Variants in KIAA1755 observed in about 807,000 individuals in gnomAD.
The protein encoded by KIAA1755 is KIAA1755.
A neutral mutation model predicts 91.7 loss-of-function variants in KIAA1755; 68 were observed. The ratio of observed to expected loss-of-function variants is 0.74; its 90% confidence interval spans 0.61 to 0.91. KIAA1755 has a LOEUF of 0.91. Among genes scored for constraint, KIAA1755 ranks in the 40% least tolerant of loss-of-function variants. KIAA1755 has a pLI of 0.00. For missense variants in KIAA1755, 1,535 were observed against 1,494.4 expected (o/e 1.03, Z -0.45); for synonymous variants, 610 against 604.6 (o/e 1.01, Z -0.13).
intron 2 of KIAA1755, among the ~76,000 whole-genome samples, chr20:38,245,685 G>A (rs2076145516): frequency 6.6e-6 from 1 of 152,152 alleles, no homozygotes; most frequent in Non-Finnish European, 1.5e-5. Context: ...CCTTTACTCA[G>A]GCCTTCTTCT....
chr20:38,243,621 C>T (rs2076105622), intron 2 of KIAA1755, among the ~76,000 whole-genome samples: 2 of 152,228 alleles, frequency 1.3e-5, no homozygotes, highest in African/African-American at 4.8e-5. Flanking sequence ...ACATTTGGCT[C>T]ATAGCCACAC....
At chr20:38,246,576 C>A (rs1183142986) in intron 1 of KIAA1755, among the ~76,000 whole-genome samples, 1 of 152,198 alleles carries the variant, frequency 6.6e-6, no homozygotes, top group Non-Finnish European at 1.5e-5. Context: ...GGAAGCCCAG[C>A]CCAGACCAGA....
At chr20:38,254,982 G>A (rs1388382135) in intron 1 of KIAA1755, among the ~76,000 whole-genome samples, 8 of 152,096 alleles carry the variant, frequency 5.3e-5, no homozygotes, top group Non-Finnish European at 4.4e-5. Context: ...TTCGAGACCA[G>A]CCTGGCCAAC....
intron 4 of KIAA1755, among the ~76,000 whole-genome samples, chr20:38,234,396 C>T (rs1233368163): frequency 2.0e-5 from 3 of 152,178 alleles, no homozygotes; most frequent in African/African-American, 4.8e-5. Context: ...AAATGTAGGC[C>T]TCTGTGAGAT....
chr20:38,231,302 G>A lies in KIAA1755; in HGVS notation c.1771C>T (p.Pro591Ser), dbSNP rs1348267480. The A allele has an allele frequency of 6.2e-7, 1 of 1,611,130 alleles. No homozygotes were observed. The highest frequency in any genetic ancestry group is 1.7e-5 in the Admixed American group (1 of 59,754). The change falls in exon 5 of 14, where the codon CCC becomes TCC. Residue 591 changes from proline to serine, a missense_variant. Pro to Ser is a moderately conservative substitution (Grantham distance 74). Transcript: ENST00000279024. The stretch of plus-strand genomic sequence containing the variant: ...TCTGTAGTTGACACCAGAAGCAGGG[G>A]CCGCCCGGCCCTGTCCCGGCCACCT... ...LPGGRDRAGRPLLLVSTTEGA... is the reference protein window; with the variant it reads ...LPGGRDRAGRSLLLVSTTEGA...
intron 1 of KIAA1755, among the ~76,000 whole-genome samples, chr20:38,255,143 C>A (rs1247565487): frequency 4.6e-5 from 7 of 151,942 alleles, no homozygotes; most frequent in Non-Finnish European, 1.0e-4. Context: ...GGCCACTGCA[C>A]CCCAGCCTGG....
intron 1 of KIAA1755, among the ~76,000 whole-genome samples, chr20:38,259,855 T>A: frequency 1.9e-5 from 2 of 102,778 alleles, no homozygotes; most frequent in African/African-American, 4.7e-5. Flanking sequence ...CACACACACA[T>A]TCTCCCAGAA....
chr20:38,238,461 G>A (rs544006083), intron 4 of KIAA1755, among the ~76,000 whole-genome samples: 6 of 152,128 alleles, frequency 3.9e-5, no homozygotes, highest in Admixed American at 6.5e-5. Flanking sequence ...TGTCTGGAAC[G>A]CCGTTCCCAA....
intron 13 of KIAA1755, among the ~76,000 whole-genome samples, chr20:38,213,955 C>CAT (rs113518312): frequency 1.4e-5 from 2 of 142,876 alleles, no homozygotes; most frequent in East Asian, 4.1e-4. Context: ...CATCAGACAC[C>CAT]TTTTTTTTTT....
intron 13 of KIAA1755, among the ~76,000 whole-genome samples, chr20:38,214,272 C>A (rs1010642024): frequency 6.6e-6 from 1 of 152,282 alleles, no homozygotes; most frequent in South Asian, 2.1e-4. Context: ...TTCTAATAGA[C>A]CTACGGGCCA....
intron 13 of KIAA1755, among the ~76,000 whole-genome samples, chr20:38,216,411 G>A (rs535993046): frequency 3.9e-5 from 6 of 152,300 alleles, no homozygotes; most frequent in South Asian, 2.1e-4. Flanking sequence ...GCCTGTGATC[G>A]CTGTGGCCTG....
chr20:38,227,828 G>T (rs1378550965), intron 6 of KIAA1755, among the ~76,000 whole-genome samples: 1 of 152,344 alleles, frequency 6.6e-6, no homozygotes, highest in East Asian at 1.9e-4. Context: ...CAAGGGGCGC[G>T]GGGTGCCAAG....
chr20:38,250,508 G>GTC (rs3080899), intron 1 of KIAA1755, among the ~76,000 whole-genome samples: 4,692 of 118,054 alleles, frequency 0.04, 100 homozygotes, highest in African/African-American at 0.068. Flanking sequence ...GTGTGTGTGT[G>GTC]TGTCTGTGTG....
intron 6 of KIAA1755, among the ~76,000 whole-genome samples, chr20:38,227,593 C>G (rs2123131125): frequency 6.6e-6 from 1 of 152,344 alleles, no homozygotes; most frequent in African/African-American, 2.4e-5. Flanking sequence ...TTCTCTCCTC[C>G]CTTCTCAGCT....
intron 4 of KIAA1755, 34 bp from the exon 5 acceptor site, chr20:38,231,359 A>C (rs1328392265): frequency 1.3e-6 from 2 of 1,576,936 alleles, no homozygotes; most frequent in African/African-American, 1.4e-5. Context: ...AGCAGTGAGA[A>C]CTTGTGGGGG....
intron 4 of KIAA1755, among the ~76,000 whole-genome samples, chr20:38,234,901 A>G (rs1052335841): frequency 6.6e-6 from 1 of 152,184 alleles, no homozygotes; most frequent in Non-Finnish European, 1.5e-5. Flanking sequence ...AAATACCATC[A>G]TTAGCATCTC....
At chr20:38,246,696 G>A (rs1248710450) in intron 1 of KIAA1755, among the ~76,000 whole-genome samples, 1 of 152,150 alleles carries the variant, frequency 6.6e-6, no homozygotes, top group Admixed American at 6.5e-5. Context: ...GTCCACGGCT[G>A]CAGACTGTAC....
intron 2 of KIAA1755, among the ~76,000 whole-genome samples, chr20:38,244,456 G>A (rs145618791): frequency 2.3e-4 from 35 of 152,302 alleles, no homozygotes; most frequent in Middle Eastern, 6.8e-3. Flanking sequence ...CTGGAATGAC[G>A]CACACAGTCC....
intron 1 of KIAA1755, among the ~76,000 whole-genome samples, chr20:38,256,702 C>T (rs2123353869): frequency 6.6e-6 from 1 of 152,192 alleles, no homozygotes; most frequent in African/African-American, 2.4e-5. Flanking sequence ...GCTTGGGAGG[C>T]TGAGGTGGGA....
Sources: allele counts gnomAD v4.1 joint callset (sites outside exome capture counted in the v4.1 genomes callset), GRCh38; gene constraint gnomAD v4.1.1; transcripts MANE v1.5; gene names NCBI Gene and HGNC (gene_info 2026-07-23, HGNC 2026-07-21).